Variants in WDR87 observed in about 807,000 individuals in gnomAD.
WDR87 encodes the protein WD repeat domain 87.
In WDR87, 56 loss-of-function variants were observed where a neutral mutation model predicts 83.3. That is an observed-to-expected ratio of 0.67 (90% CI 0.54 to 0.84). The LOEUF (loss-of-function observed/expected upper bound fraction) is 0.84, where lower values mean the gene tolerates loss of function less well. Ranked by LOEUF, WDR87 falls within the 40% of genes least tolerant of loss-of-function variation. WDR87 has a pLI of 0.00. For synonymous variants in WDR87, 1,173 were observed against 1,250.6 expected, an observed-to-expected ratio of 0.94 and a Z score of 1.31; for missense variants, 2,939 against 3,431.9, an observed-to-expected ratio of 0.86 and a Z score of 3.59.
At chr19:37,895,626 G>T (rs1440099382) in intron 3 of WDR87, among the ~76,000 whole-genome samples, 170 bp from the exon 4 acceptor site, 35 of 152,006 alleles carry the variant, frequency 2.3e-4, no homozygotes. Flanking sequence ...AAATTAGCTG[G>T]GTGTGGTGTC....
chr19:37,886,569 C>T lies in WDR87; in HGVS notation c.7102G>A (p.Glu2368Lys). The change falls in exon 6 of 6, where the codon GAG becomes AAG. Residue 2368 changes from glutamate (E) to lysine (K), a missense_variant. By Grantham distance (56) the Glu-to-Lys change is moderately conservative. This residue lies in a region of WDR87 where 2,160 missense variants were observed against 2,533.1 expected (regional missense o/e 0.85). Transcript: ENST00000447313. ...ACCTCTTCTTCCAATGAGCAGCTCT[C>T]CTCTTCCTCTTCCTCGTCACTCAAA... is the stretch of plus-strand genomic sequence containing the variant. ...ESLSDEEEEEESCSLEEEVDR... is the reference protein window; with the variant it reads ...ESLSDEEEEEKSCSLEEEVDR... 1.3e-6 allele frequency: 2 copies of T among 1,515,374 alleles called. No individual in the cohort carries two copies. Among genetic ancestry groups the T allele is most frequent in the Non-Finnish European group, 1.8e-6 (2 of 1,134,950 alleles). The allele number at this position is 1,515,374 out of a possible 1,614,324, so 93.9% of individuals were successfully genotyped here.
At position 37,896,310 on chromosome 19, in the gene WDR87, T is replaced by C; in HGVS notation, c.76-2A>G. 6.4e-7 allele frequency: 1 copy of C among 1,551,292 alleles called. No homozygotes were observed. Among genetic ancestry groups the C allele is most frequent in the Non-Finnish European group, 8.7e-7 (1 of 1,146,730 alleles). ...GTTCTTTGGGTCTTCCGAAGGTTGC[T>C]GGAGAGAGGCGTGGCATAAACTAAG... On this transcript the variant is annotated splice_acceptor_variant, in intron 2 of 5. Coordinates refer to ENST00000447313, the MANE Select transcript of WDR87 (RefSeq NM_001291088.2). LOFTEE classifies it high-confidence loss of function.
At chr19:37,902,122 C>T (rs2046297413) in intron 1 of WDR87, among the ~76,000 whole-genome samples, 2 of 152,090 alleles carry the variant, frequency 1.3e-5, no homozygotes, top group East Asian at 1.9e-4. Flanking sequence ...CATTTGACTC[C>T]CTAATCCCAG....
rs1486444318 is a variant in WDR87 at position 37,889,339 on chromosome 19, T to G, written c.4332A>C (p.Lys1444Asn). The G allele has an allele frequency of 6.4e-7, 1 of 1,551,940 alleles. No individual in the cohort carries two copies. The highest frequency in any genetic ancestry group is 8.7e-7 in the Non-Finnish European group (1 of 1,147,092). The change falls in exon 6 of 6, where the codon AAA (lysine) becomes AAC (asparagine). Residue 1444 changes from lysine (K) to asparagine (N), a missense_variant. By Grantham distance (94) the Lys-to-Asn change is moderately conservative (BLOSUM62 0). This residue lies in a region of WDR87 where 2,160 missense variants were observed against 2,533.1 expected (regional missense o/e 0.85). Coordinates refer to ENST00000447313, the MANE Select transcript of WDR87 (RefSeq NM_001291088.2). ...TFQKSPKQGR[K>N]AVQKERKVGK... Reference sequence around the variant, plus strand: ...CTACTTTTCTTTCCTTCTGGACAGCTTTCCTCCCTTGCTTAGGTGACTTCT... The same window carrying G: ...CTACTTTTCTTTCCTTCTGGACAGCGTTCCTCCCTTGCTTAGGTGACTTCT...
chr19:37,896,355 C>G (rs2046256019), intron 2 of WDR87, 47 bp from the exon 3 acceptor site: 1 of 1,532,632 alleles, frequency 6.5e-7, no homozygotes, highest in Non-Finnish European at 8.8e-7. Context: ...CACAGAGGCA[C>G]TAAATATATT....
chr19:37,895,975 T>C, intron 3 of WDR87, 163 bp downstream of exon 3: 1 of 975,948 alleles, frequency 1.0e-6, no homozygotes, highest in Non-Finnish European at 1.5e-6. Flanking sequence ...CCATACAACC[T>C]ACTCAACATG....
At chr19:37,904,314 T>C (rs2046310252) in intron 1 of WDR87, among the ~76,000 whole-genome samples, 1 of 151,778 alleles carries the variant, frequency 6.6e-6, no homozygotes, top group South Asian at 2.1e-4. Context: ...CTGTTTCCCC[T>C]TCCCAGAAGT....
chr19:37,887,832 T>G lies in WDR87; in HGVS notation c.5839A>C (p.Lys1947Gln). 1.3e-6 allele frequency: 2 copies of G among 1,550,984 alleles called. No homozygotes were observed. The highest frequency in any genetic ancestry group is 1.7e-6 in the Non-Finnish European group (2 of 1,146,926). Residue 1947 changes from lysine (K) to glutamine (Q), a missense_variant, in exon 6 of 6, where the codon AAA becomes CAA. Lys to Gln is a moderately conservative substitution (Grantham distance 53). Coordinates refer to ENST00000447313, the MANE Select transcript of WDR87 (RefSeq NM_001291088.2). The stretch of plus-strand genomic sequence containing the variant: ...AATTTTTTCTCTGTTTCAGCCAGTT[T>G]CTCCTTCTTCTTGATCACAGTCTCC... ...EKETVIKKKE[K>Q]LAETEKKLVQ...
Position 37,894,542 on chromosome 19 carries a change from G to A in WDR87, c.1161C>T (p.Gly387=). The stretch of plus-strand genomic sequence containing the variant: ...TTACTGGGGACACAAAGCGCAACAA[G>A]CCATCCTCAGTGGTACACAGGATCC... ...WFRILCTTED[G]LLRFVSPVTG... Residue 387 remains glycine, a synonymous_variant, in exon 4 of 6, where the codon GGC becomes GGT. Transcript: ENST00000447313. 3 of 1,551,684 alleles carry A rather than the reference G, an allele frequency of 1.9e-6. No individual in the cohort carries two copies. The highest frequency in any genetic ancestry group is 2.6e-6 in the Non-Finnish European group (3 of 1,146,990).
chr19:37,904,176 A>C (rs1397960901), intron 1 of WDR87, among the ~76,000 whole-genome samples: 3 of 152,190 alleles, frequency 2.0e-5, no homozygotes, highest in African/African-American at 7.2e-5. Context: ...TGGTGGGATT[A>C]CAGGCATGAG....
chr19:37,900,321 A>G (rs950519973), intron 1 of WDR87, among the ~76,000 whole-genome samples: 1 of 152,024 alleles, frequency 6.6e-6, no homozygotes, highest in African/African-American at 2.4e-5. Flanking sequence ...CAGCACTTTA[A>G]GAGGCCGAGG....
At position 37,894,715 on chromosome 19, in the gene WDR87, G is replaced by C. The variant is rs1485436553; in HGVS notation, c.988C>G (p.Leu330Val). The change falls in exon 4 of 6, where the codon CTC becomes GTC. Residue 330 changes from leucine (L) to valine (V), a missense_variant. Physicochemically the swap from Leu to Val is conservative, Grantham distance 32. Transcript: ENST00000447313. ...RLELGEELYRLQFIDSITFFC... is the reference protein window; with the variant it reads ...RLELGEELYRVQFIDSITFFC... The stretch of plus-strand genomic sequence containing the variant: ...AAAGTAATGCTGTCAATAAACTGGA[G>C]CCGGTATAGCTCCTCACCAAGCTCT... 1 of 1,551,750 alleles carries C rather than the reference G, an allele frequency of 6.4e-7. No individual in the cohort carries two copies. The highest frequency in any genetic ancestry group is 2.0e-5 in the Admixed American group (1 of 51,012).
chr19:37,903,907 T>C (rs2046307148), intron 1 of WDR87, among the ~76,000 whole-genome samples: 1 of 151,998 alleles, frequency 6.6e-6, no homozygotes, highest in African/African-American at 2.4e-5. Context: ...CCTTTTTTGT[T>C]TTTTGTTTTG....
chr19:37,893,510 C>G lies in WDR87; in HGVS notation c.2193G>C (p.Leu731=), dbSNP rs1331975166. 1 of 1,551,836 alleles carries G rather than the reference C, an allele frequency of 6.4e-7. No homozygotes were observed. The highest frequency in any genetic ancestry group is 1.2e-5 in the South Asian group (1 of 84,064). Residue 731 remains leucine, a synonymous_variant, in exon 4 of 6, where the codon CTG becomes CTC. Transcript: ENST00000447313. ...TGGCCCGGTTGTTGACAAGTTTCTC[C>G]AGACCCACTAATTTCTGTTGCGCTT... is the stretch of plus-strand genomic sequence containing the variant. ...PGQAQQKLVG[L]EKLVNNRAIA...
At position 37,894,520 on chromosome 19, in the gene WDR87, C is replaced by T. The variant is rs761127289; in HGVS notation, c.1183G>A (p.Val395Ile). 5.2e-6 allele frequency: 8 copies of T among 1,551,586 alleles called. No homozygotes were observed. The highest frequency in any genetic ancestry group is 6.1e-6 in the Non-Finnish European group (7 of 1,146,992). Residue 395 changes from valine (V) to isoleucine (I), a missense_variant, in exon 4 of 6, where the codon GTA becomes ATA. This residue lies in a region of WDR87 where 553 missense variants were observed against 577.9 expected (regional missense o/e 0.96). Coordinates refer to ENST00000447313, the MANE Select transcript of WDR87 (RefSeq NM_001291088.2). The stretch of plus-strand genomic sequence containing the variant: ...GTGATAACCAGAAGGTCCCCTGTTA[C>T]TGGGGACACAAAGCGCAACAAGCCA... ...EDGLLRFVSP[V>I]TGDLLVITWP... is the part of the protein sequence containing the mutation.
rs1489429611 is a variant in WDR87 at position 37,891,689 on chromosome 19, G to A, written c.3257C>T (p.Pro1086Leu). ...CATTGAGACATCTAAAGAAAAAGCC[G>A]GCTTTTCATCTCTATGTGACAGGGT... ...NLTLSHRDEK[P>L]AFSLDVSMPS... The change falls in exon 5 of 6, where the codon CCG (proline) becomes CTG (leucine). Residue 1086 changes from proline to leucine, a missense_variant. By Grantham distance (98) the Pro-to-Leu change is moderately conservative (BLOSUM62 -3). This residue lies in a region of WDR87 where 2,160 missense variants were observed against 2,533.1 expected (regional missense o/e 0.85). Coordinates refer to ENST00000447313, the MANE Select transcript of WDR87 (RefSeq NM_001291088.2). 5 of 1,551,726 alleles carry A rather than the reference G, an allele frequency of 3.2e-6. No individual in the cohort carries two copies. The highest frequency in any genetic ancestry group is 3.9e-5 in the Admixed American group (2 of 50,974).
At position 37,885,321 on chromosome 19, in the gene WDR87, T is replaced by C. The variant is rs1219839045; in HGVS notation, c.8350A>G (p.Lys2784Glu). The C allele has an allele frequency of 6.4e-7, 1 of 1,551,412 alleles. No homozygotes were observed. The highest frequency in any genetic ancestry group is 1.4e-5 in the African/African-American group (1 of 73,016). Reference sequence around the variant, plus strand: ...TGTTCCATCCAAGCAGTGCTGTCTTTTGGATATCGCTGCTGCAGCATCCGC... The same window carrying C: ...TGTTCCATCCAAGCAGTGCTGTCTTCTGGATATCGCTGCTGCAGCATCCGC... ...VLRMLQQRYP[K>E]DSTAWMEQFY... is the part of the protein sequence containing the mutation. Residue 2784 changes from lysine (K) to glutamate (E), a missense_variant, in exon 6 of 6, where the codon AAA (lysine) becomes GAA (glutamate). Around this residue, in one of 3 missense-constraint regions of WDR87, gnomAD observed 2,160 missense variants for 2,533.1 expected, o/e 0.85. Coordinates refer to ENST00000447313, the MANE Select transcript of WDR87 (RefSeq NM_001291088.2).
Position 37,889,848 on chromosome 19 carries a change from C to T in WDR87, c.3823G>A (p.Ala1275Thr), listed in dbSNP as rs550219106. The T allele has an allele frequency of 1.1e-5, 17 of 1,551,738 alleles. No homozygotes were observed. Among genetic ancestry groups the T allele is most frequent in the Non-Finnish European group, 1.4e-5 (16 of 1,147,004 alleles). ...ASGISGRRST[A>T]GDGSSWRDDL... ...TCCCTCCATGATGAGCCATCTCCAG[C>T]GGTTGACCTGCGGCCAGATATTCCA... The change falls in exon 6 of 6, where the codon GCT (alanine) becomes ACT (threonine). Residue 1275 changes from alanine (A) to threonine (T), a missense_variant. Coordinates refer to ENST00000447313, the MANE Select transcript of WDR87 (RefSeq NM_001291088.2).
chr19:37,891,631 A>G lies in WDR87; in HGVS notation c.3315T>C (p.Pro1105=), dbSNP rs2046206046. The G allele has an allele frequency of 6.4e-7, 1 of 1,551,898 alleles. No homozygotes were observed. Among genetic ancestry groups the G allele is most frequent in the Non-Finnish European group, 8.7e-7 (1 of 1,147,028 alleles). The change falls in exon 5 of 6, where the codon CCT becomes CCC. Residue 1105 remains proline (P), a synonymous_variant. Coordinates refer to ENST00000447313, the MANE Select transcript of WDR87 (RefSeq NM_001291088.2). The part of the protein sequence containing the change: ...PSELKSSLKP[P]TVSEESEVAI... ...CCACTTCAGATTCTTCAGAAACTGT[A>G]GGAGGTTTCAGGGAGGATTTAAGTT...
Sources: allele counts gnomAD v4.1 joint callset (sites outside exome capture counted in the v4.1 genomes callset), GRCh38; gene constraint gnomAD v4.1.1; regional missense constraint gnomAD v4.1.1; transcripts MANE v1.5; gene names NCBI Gene and HGNC (gene_info 2026-07-23, HGNC 2026-07-21).